Variants in TFB1M observed in about 807,000 individuals in gnomAD.
The protein encoded by TFB1M is dimethyladenosine transferase 1, mitochondrial.
A neutral mutation model predicts 31.1 loss-of-function variants in TFB1M; 27 were observed. The observed-to-expected ratio is 0.87, with a 90% CI of 0.64 to 1.20. The LOEUF (loss-of-function observed/expected upper bound fraction) is 1.20. Among genes scored for constraint, TFB1M ranks in the 50% most tolerant of loss-of-function variants. The pLI, the probability that TFB1M is intolerant of heterozygous loss-of-function variation, is 0.00. For missense variants in TFB1M, 394 were observed against 418.7 expected (o/e 0.94, Z 0.51); for synonymous variants, 166 against 151.8 (o/e 1.09, Z -0.69).
chr6:155,251,980 A>T (rs1167275042), downstream of TFB1M: 1 of 1,604,958 alleles, frequency 6.2e-7, no homozygotes, highest in Non-Finnish European at 8.5e-7. Context: ...TTATAAAGAA[A>T]ACTGCAAACT....
the TFB1M span, among the ~76,000 whole-genome samples, chr6:155,236,962 C>A: frequency 4.8e-4 from 73 of 152,316 alleles, no homozygotes; most frequent in African/African-American, 1.7e-3. Flanking sequence ...ATTTGAAAAC[C>A]AATCATGCCT....
At chr6:155,240,923 C>T in the TFB1M span, among the ~76,000 whole-genome samples, 1 of 152,298 alleles carries the variant, frequency 6.6e-6, no homozygotes, top group African/African-American at 2.4e-5. Context: ...AGATCCTTGG[C>T]TTATTTTGTT....
chr6:155,306,876 C>A (rs775493694), intron 2 of TFB1M, among the ~76,000 whole-genome samples: 4 of 152,094 alleles, frequency 2.6e-5, no homozygotes, highest in Non-Finnish European at 5.9e-5. Flanking sequence ...ATCCCAGCAT[C>A]TTGGGAGACT....
chr6:155,281,996 G>A (rs1785527471), intron 5 of TFB1M, among the ~76,000 whole-genome samples: 1 of 152,038 alleles, frequency 6.6e-6, no homozygotes, highest in Non-Finnish European at 1.5e-5. Context: ...TTAAGAAACA[G>A]GTTGTATTCT....
At position 155,257,754 on chromosome 6, in the gene TFB1M, G is replaced by GTAAAGACAAAAGAGTACCTATATAA; in HGVS notation, c.*57_*81dup. On this transcript the variant is annotated 3_prime_UTR_variant, in exon 7 of 7. Coordinates refer to ENST00000367166, the MANE Select transcript of TFB1M (RefSeq NM_016020.4). ...TCATTGGCATTTGTATCGTCATTCT[G>GTAAAGACAAAAGAGTACCTATATAA]TAAAGACAAAAGAGTACCTATATAA... is the stretch of plus-strand genomic sequence containing the variant. 1.3e-6 allele frequency: 2 copies of GTAAAGACAAAAGAGTACCTATATAA among 1,543,286 alleles called. No individual in the cohort carries two copies. The highest frequency in any genetic ancestry group is 1.8e-6 in the Non-Finnish European group (2 of 1,130,114).
intron 4 of TFB1M, among the ~76,000 whole-genome samples, chr6:155,286,555 A>T (rs987881729): frequency 1.4e-5 from 2 of 147,780 alleles, no homozygotes; most frequent in African/African-American, 5.0e-5. Flanking sequence ...ATATGTGTGT[A>T]TATATATGTA....
intron 5 of TFB1M, among the ~76,000 whole-genome samples, chr6:155,272,000 C>T (rs114269296): frequency 2.0e-4 from 30 of 152,280 alleles, no homozygotes; most frequent in African/African-American, 7.0e-4. Context: ...CTAACACCAT[C>T]AGCAGTTTTT....
chr6:155,278,999 G>C (rs552262673), intron 5 of TFB1M, among the ~76,000 whole-genome samples: 1 of 152,026 alleles, frequency 6.6e-6, no homozygotes, highest in African/African-American at 2.4e-5. Context: ...TCTTAACTGA[G>C]GTAGTGCTAC....
chr6:155,249,014 T>C, the TFB1M span, among the ~76,000 whole-genome samples: 2 of 152,206 alleles, frequency 1.3e-5, no homozygotes, highest in Non-Finnish European at 2.9e-5. Context: ...TTAACTTCTA[T>C]AAGTAAATAA....
At chr6:155,267,605 C>A (rs1210381058) in intron 5 of TFB1M, among the ~76,000 whole-genome samples, 1 of 152,180 alleles carries the variant, frequency 6.6e-6, no homozygotes, top group East Asian at 1.9e-4. Context: ...GTGGTCCCAG[C>A]AGCTACTAGC....
At chr6:155,237,069 A>G in the TFB1M span, among the ~76,000 whole-genome samples, 1 of 152,222 alleles carries the variant, frequency 6.6e-6, no homozygotes, top group African/African-American at 2.4e-5. Context: ...CCTTCCACCT[A>G]TGAGCCTGTA....
chr6:155,296,346 G>A (rs546745979), intron 4 of TFB1M, among the ~76,000 whole-genome samples: 7 of 150,970 alleles, frequency 4.6e-5, no homozygotes, highest in East Asian at 1.9e-4. Flanking sequence ...TGCAACCTCC[G>A]CCTCCCAGGT....
rs1215398307 is a variant in TFB1M, at chr6:155,257,099, CAGAG to C, written c.*733_*736del. 7.5e-6 allele frequency: 12 copies of C among 1,601,074 alleles called. No individual in the cohort carries two copies. Among genetic ancestry groups the C allele is most frequent in the South Asian group, 1.1e-5 (1 of 90,822 alleles). On this transcript the variant is annotated 3_prime_UTR_variant, in exon 7 of 7. Transcript: ENST00000367166. ...GTCAGTGAGGAGTGTTTTTATGAAACAGAGAGCCACGGAAAATCATAGTATGATT... is the reference window on the plus strand; with the variant it reads ...GTCAGTGAGGAGTGTTTTTATGAAACAGCCACGGAAAATCATAGTATGATT...
the TFB1M span, chr6:155,248,218 A>T: frequency 6.3e-7 from 1 of 1,577,640 alleles, no homozygotes; most frequent in South Asian, 1.1e-5. Flanking sequence ...GGGCCTGCAC[A>T]GGGCGGCGAG....
At chr6:155,259,374 G>C (rs1351244035) in intron 6 of TFB1M, among the ~76,000 whole-genome samples, 2 of 152,254 alleles carry the variant, frequency 1.3e-5, no homozygotes, top group Admixed American at 6.5e-5. Flanking sequence ...GAGGCAACAA[G>C]TGGCAGGCTG....
chr6:155,293,874 C>CT (rs553386763), intron 4 of TFB1M, among the ~76,000 whole-genome samples: 57 of 151,986 alleles, frequency 3.8e-4, no homozygotes, highest in Non-Finnish European at 6.5e-4. Context: ...GTTTTTGCAA[C>CT]TTTTTTTTGA....
chr6:155,295,410 T>C (rs1161635000), intron 4 of TFB1M, among the ~76,000 whole-genome samples: 1 of 151,198 alleles, frequency 6.6e-6, no homozygotes, highest in Non-Finnish European at 1.5e-5. Context: ...CATAGGAATA[T>C]AAATCTGTGT....
chr6:155,259,512 G>A (rs529080651), intron 6 of TFB1M, among the ~76,000 whole-genome samples: 23 of 152,354 alleles, frequency 1.5e-4, no homozygotes, highest in South Asian at 6.2e-4. Context: ...GGGACACTTC[G>A]GACCTTGTGA....
chr6:155,309,740 T>C (rs1582887501), intron 2 of TFB1M, among the ~76,000 whole-genome samples: 2 of 152,214 alleles, frequency 1.3e-5, no homozygotes, highest in African/African-American at 2.4e-5. Context: ...AAGGGGATTA[T>C]ACAGTTATTT....
Sources: gnomAD v4.1 joint callset for allele counts (sites outside exome capture counted in the v4.1 genomes callset) on GRCh38, gnomAD v4.1.1 for gene constraint, MANE v1.5 for transcripts, NCBI Gene and HGNC (gene_info 2026-07-23, HGNC 2026-07-21) for gene names.